Variants in SLC9A9 observed in about 807,000 individuals in gnomAD.
SLC9A9 encodes the protein sodium/hydrogen exchanger 9.
Under a neutral mutation model 77.8 loss-of-function variants are expected in SLC9A9, and 62 were observed. The ratio of observed to expected loss-of-function variants is 0.80; its 90% confidence interval spans 0.65 to 0.98. The LOEUF (loss-of-function observed/expected upper bound fraction) is 0.98. SLC9A9 is among the 50% of genes least tolerant of loss of function. The pLI is 0.00. For synonymous variants in SLC9A9, 320 were observed against 283.5 expected, an observed-to-expected ratio of 1.13 and a Z score of -1.29; for missense variants, 775 against 774.9, an observed-to-expected ratio of 1.00 and a Z score of 0.00.
chr3:143,703,541 C>G (rs1933866002), intron 4 of SLC9A9, among the ~76,000 whole-genome samples: 1 of 151,450 alleles, frequency 6.6e-6, no homozygotes, highest in Non-Finnish European at 1.5e-5. Flanking sequence ...CAAAACATAC[C>G]AAAATCTATG....
chr3:143,564,863 C>A (rs183617689), intron 8 of SLC9A9, among the ~76,000 whole-genome samples: 24 of 152,130 alleles, frequency 1.6e-4, no homozygotes, highest in African/African-American at 5.8e-4. Context: ...TTAAAAATAT[C>A]CTCTATGTAA....
At chr3:143,786,294 A>G (rs1273158507) in intron 4 of SLC9A9, among the ~76,000 whole-genome samples, 1 of 152,166 alleles carries the variant, frequency 6.6e-6, no homozygotes, top group East Asian at 1.9e-4. Context: ...TTATGTTATT[A>G]GGCATTTTTC....
rs530642310 is a variant in SLC9A9, at chr3:143,410,818, T to C, written c.1470-28704A>G. Among the ~76,000 whole-genome samples the C allele has an allele frequency of 2.0e-4, 30 of 152,358 alleles. No homozygotes were observed. The East Asian group carries it at 5.6e-3, about 28-fold the overall frequency. Reference sequence around the variant, plus strand: ...TTGAGTACAATTTAGCTGTGTCCTATACACTTTGGTATGAATGTTTTCTTT... The same window carrying C: ...TTGAGTACAATTTAGCTGTGTCCTACACACTTTGGTATGAATGTTTTCTTT... On this transcript the variant is annotated intron_variant, in intron 12 of 15. Coordinates refer to ENST00000316549, the MANE Select transcript of SLC9A9 (RefSeq NM_173653.4).
At chr3:143,651,667 T>C (rs900300447) in intron 6 of SLC9A9, among the ~76,000 whole-genome samples, 1 of 151,960 alleles carries the variant, frequency 6.6e-6, no homozygotes, top group Non-Finnish European at 1.5e-5. Flanking sequence ...AAAGGGGAGG[T>C]AAGGAAAGAG....
chr3:143,600,257 C>T (rs902570492), intron 6 of SLC9A9, among the ~76,000 whole-genome samples: 2 of 152,128 alleles, frequency 1.3e-5, no homozygotes, highest in African/African-American at 4.8e-5. Flanking sequence ...TCAACTCCCA[C>T]CTATGAGTGA....
intron 12 of SLC9A9, among the ~76,000 whole-genome samples, chr3:143,411,515 C>T (rs2034095905): frequency 6.6e-6 from 1 of 152,168 alleles, no homozygotes; most frequent in African/African-American, 2.4e-5. Context: ...AGGTATTTAA[C>T]TCGATCTTCC....
chr3:143,365,794 C>A (rs192663020), intron 13 of SLC9A9, among the ~76,000 whole-genome samples: 70 of 152,296 alleles, frequency 4.6e-4, no homozygotes, highest in African/African-American at 1.5e-3. Context: ...TCTTCATCAT[C>A]CTCAAACATC....
At chr3:143,538,586 C>G (rs2036632675) in intron 9 of SLC9A9, among the ~76,000 whole-genome samples, 1 of 152,182 alleles carries the variant, frequency 6.6e-6, no homozygotes, top group African/African-American at 2.4e-5. Context: ...ATCCAGAAAC[C>G]TGGTGTGTCA....
At chr3:143,277,959 A>G (rs1938102570) in intron 14 of SLC9A9, among the ~76,000 whole-genome samples, 1 of 152,130 alleles carries the variant, frequency 6.6e-6, no homozygotes, top group African/African-American at 2.4e-5. Flanking sequence ...TTAGCTAGCT[A>G]CCCCAGAGCT....
At chr3:143,628,290 T>C (rs761210078) in intron 6 of SLC9A9, among the ~76,000 whole-genome samples, 25 of 152,210 alleles carry the variant, frequency 1.6e-4, no homozygotes, top group Non-Finnish European at 1.5e-5. Context: ...AAGTTGAAGA[T>C]GCATTTAATA....
At chr3:143,534,589 C>T (rs995570042) in intron 9 of SLC9A9, among the ~76,000 whole-genome samples, 13 of 152,110 alleles carry the variant, frequency 8.5e-5, no homozygotes, top group Admixed American at 8.5e-4. Flanking sequence ...AGCTTCAGGG[C>T]ATTTTGATAC....
chr3:143,736,370 A>G (rs1354125483), intron 4 of SLC9A9, among the ~76,000 whole-genome samples: 1 of 152,230 alleles, frequency 6.6e-6, no homozygotes, highest in Admixed American at 6.5e-5. Flanking sequence ...CATTGTGTCA[A>G]GTGTTCGATT....
intron 6 of SLC9A9, among the ~76,000 whole-genome samples, chr3:143,624,537 C>T (rs914722797): frequency 6.6e-5 from 10 of 152,148 alleles, no homozygotes; most frequent in African/African-American, 2.4e-4. Flanking sequence ...TCAATAGGTG[C>T]AGAAAAGGCC....
intron 9 of SLC9A9, among the ~76,000 whole-genome samples, chr3:143,540,225 T>C (rs1435265609): frequency 6.6e-6 from 1 of 152,096 alleles, no homozygotes; most frequent in Non-Finnish European, 1.5e-5. Flanking sequence ...ACAATAACAT[T>C]GTTCAAGTAC....
chr3:143,268,336 T>TTTCTTTTA (rs1337296393), intron 15 of SLC9A9, among the ~76,000 whole-genome samples: 2 of 152,188 alleles, frequency 1.3e-5, no homozygotes, highest in African/African-American at 4.8e-5. Flanking sequence ...TTTTCTAAGG[T>TTTCTTTTA]CATTTTATGG....
chr3:143,585,887 C>T (rs2037532708), intron 6 of SLC9A9, among the ~76,000 whole-genome samples: 1 of 152,248 alleles, frequency 6.6e-6, no homozygotes, highest in African/African-American at 2.4e-5. Context: ...CAATAACTCC[C>T]TTCCCTTGCT....
chr3:143,765,503 G>A (rs1191794581), intron 4 of SLC9A9, among the ~76,000 whole-genome samples: 1 of 152,114 alleles, frequency 6.6e-6, no homozygotes, highest in Non-Finnish European at 1.5e-5. Context: ...GTAAATTAAT[G>A]TTTATTAAAT....
intron 4 of SLC9A9, among the ~76,000 whole-genome samples, chr3:143,745,619 C>T (rs116391026): frequency 1.5e-3 from 228 of 152,250 alleles, no homozygotes; most frequent in African/African-American, 5.2e-3. Flanking sequence ...ATTAGGGCCG[C>T]TGTGTATTTT....
chr3:143,422,986 T>C (rs1019567923), intron 12 of SLC9A9, among the ~76,000 whole-genome samples: 13 of 152,154 alleles, frequency 8.5e-5, no homozygotes, highest in African/African-American at 3.1e-4. Flanking sequence ...GTCCCTGAAG[T>C]CATCGACTTT....
Sources: allele counts gnomAD v4.1 joint callset (sites outside exome capture counted in the v4.1 genomes callset), GRCh38; gene constraint gnomAD v4.1.1; transcripts MANE v1.5; gene names NCBI Gene and HGNC (gene_info 2026-07-23, HGNC 2026-07-21).